The following PTPRD variants were observed in gnomAD, a reference collection of about 807,000 sequenced individuals.
PTPRD encodes receptor-type tyrosine-protein phosphatase delta.
PTPRD carries 34 observed loss-of-function variants against 214.5 expected under a neutral mutation model. The ratio of observed to expected loss-of-function variants is 0.16; its 90% CI spans 0.12 to 0.21. The LOEUF is 0.21. Among genes scored for constraint, PTPRD ranks in the 10% least tolerant of loss-of-function variants. The pLI is 1.00. For synonymous variants in PTPRD, 1,128 were observed against 845.7 expected, an observed-to-expected ratio of 1.33 and a Z score of -5.79; for missense variants, 2,545 against 2,398.7, an observed-to-expected ratio of 1.06 and a Z score of -1.27.
intron 8 of PTPRD, among the ~76,000 whole-genome samples, chr9:9,529,524 G>T (rs1158478936): frequency 6.6e-6 from 1 of 152,018 alleles, no homozygotes; most frequent in Non-Finnish European, 1.5e-5. Flanking sequence ...CACATGAAAA[G>T]ATGATCAACA....
Position 9,851,279 on chromosome 9 carries a change from C to T in PTPRD, c.-367-84428G>A, listed in dbSNP as rs897660628. 1.1e-4 allele frequency among the ~76,000 whole-genome samples: 17 copies of T among 152,176 alleles called. No individual in the cohort carries two copies. The South Asian group carries it at 3.3e-3, about 30-fold the overall frequency. ...TGTCTCCTGAGGGTTAATGCAGTATCGTATTGCTGACTGCGAGATTCAAAG... is the reference window on the plus strand; with the variant it reads ...TGTCTCCTGAGGGTTAATGCAGTATTGTATTGCTGACTGCGAGATTCAAAG... On this transcript the variant is annotated intron_variant, in intron 5 of 45. Transcript: ENST00000381196.
chr9:9,091,741 C>T (rs1229025412), intron 10 of PTPRD, among the ~76,000 whole-genome samples: 2 of 152,144 alleles, frequency 1.3e-5, no homozygotes, highest in African/African-American at 4.8e-5. Flanking sequence ...CCTAACAGAA[C>T]CAGCCAATAT....
chr9:9,567,106 C>T (rs2084794182), intron 8 of PTPRD, among the ~76,000 whole-genome samples: 1 of 152,008 alleles, frequency 6.6e-6, no homozygotes, highest in Non-Finnish European at 1.5e-5. Flanking sequence ...GCACATAGGT[C>T]ACCTGAAGAT....
chr9:9,441,737 G>T (rs1322158923), intron 8 of PTPRD, among the ~76,000 whole-genome samples: 6 of 152,072 alleles, frequency 3.9e-5, no homozygotes, highest in African/African-American at 1.4e-4. Flanking sequence ...AATGAATTTG[G>T]CATTAATGTC....
At chr9:10,548,287 G>C (rs2060575257) in intron 2 of PTPRD, among the ~76,000 whole-genome samples, 1 of 152,032 alleles carries the variant, frequency 6.6e-6, no homozygotes, top group African/African-American at 2.4e-5. Flanking sequence ...ATAAGTTGTT[G>C]CTTTTTCTCC....
In PTPRD at chr9:8,456,354, A is replaced by G. The variant is rs112278869; in HGVS notation, c.3875+4057T>C. ...GAGGGGAGGAGAAGAGAGGACAGAA[A>G]ATGAGGCAGGCACCCAGAAAGGCTT... On this transcript the variant is annotated intron_variant, in intron 33 of 45. Coordinates refer to ENST00000381196, the MANE Select transcript of PTPRD (RefSeq NM_002839.4). Among the ~76,000 whole-genome samples the G allele has an allele frequency of 9.9e-5, 15 of 152,212 alleles. 1 individual carries two copies. The highest frequency in any genetic ancestry group is 3.4e-4 in the African/African-American group (14 of 41,536).
At chr9:8,396,582 T>C (rs933929201) in intron 36 of PTPRD, among the ~76,000 whole-genome samples, 1 of 152,078 alleles carries the variant, frequency 6.6e-6, no homozygotes, top group Non-Finnish European at 1.5e-5. Context: ...TCCCAGAGCT[T>C]TCTGATTTTA....
At chr9:9,624,170 A>G (rs962430236) in intron 7 of PTPRD, among the ~76,000 whole-genome samples, 2 of 152,198 alleles carry the variant, frequency 1.3e-5, no homozygotes, top group Non-Finnish European at 2.9e-5. Flanking sequence ...AATTGCCATC[A>G]TCTTACATTG....
intron 21 of PTPRD, 40 bp downstream of exon 21, chr9:8,517,808 C>G (rs762103001): frequency 6.5e-7 from 1 of 1,540,770 alleles, no homozygotes; most frequent in African/African-American, 1.4e-5. Flanking sequence ...TTGCACCAGC[C>G]CTTCCCTCCT....
intron 10 of PTPRD, among the ~76,000 whole-genome samples, chr9:9,051,725 A>T (rs887983118): frequency 2.4e-4 from 36 of 152,342 alleles, no homozygotes; most frequent in African/African-American, 8.7e-4. Flanking sequence ...ATGTTCACAC[A>T]GAATTTAAAG....
intron 31 of PTPRD, among the ~76,000 whole-genome samples, chr9:8,468,711 A>G (rs2096593256): frequency 6.6e-6 from 1 of 151,714 alleles, no homozygotes; most frequent in Non-Finnish European, 1.5e-5. Context: ...TTGATCAAAT[A>G]CATTTAAGAG....
intron 14 of PTPRD, among the ~76,000 whole-genome samples, chr9:8,573,966 T>C (rs1339288014): frequency 6.6e-6 from 1 of 151,994 alleles, no homozygotes; most frequent in Non-Finnish European, 1.5e-5. Flanking sequence ...ACTATGGTAA[T>C]ACTAATTATT....
At chr9:9,275,456 C>A (rs1945234749) in intron 9 of PTPRD, among the ~76,000 whole-genome samples, 1 of 150,342 alleles carries the variant, frequency 6.7e-6, no homozygotes, top group South Asian at 2.1e-4. Flanking sequence ...CTGGACCCAC[C>A]CGAAGAGGGT....
chr9:8,978,593 G>A (rs2099282747), intron 11 of PTPRD, among the ~76,000 whole-genome samples: 1 of 152,088 alleles, frequency 6.6e-6, no homozygotes, highest in Non-Finnish European at 1.5e-5. Flanking sequence ...CCTTGAATCA[G>A]GGTAAGGGTT....
Position 9,033,704 on chromosome 9 carries a change from A to G in PTPRD, c.-142-14969T>C, listed in dbSNP as rs141132509. Among the ~76,000 whole-genome samples the G allele has an allele frequency of 2.2e-4, 34 of 151,848 alleles. 1 individual carries two copies. In the East Asian group the frequency reaches 6.0e-3, roughly 27 times the overall value. On this transcript the variant is annotated intron_variant, in intron 10 of 45. Transcript: ENST00000381196. ...CCCTTCTCTTTCTCTGTCTCTCTCTATCTCTGTTCTTTTATTCTCTCTTGG... is the reference window on the plus strand; with the variant it reads ...CCCTTCTCTTTCTCTGTCTCTCTCTGTCTCTGTTCTTTTATTCTCTCTTGG...
rs189798941 is a variant in PTPRD, at chr9:10,209,216, G to C, written c.-545+131747C>G. Among the ~76,000 whole-genome samples, 411 of 152,070 alleles carry C rather than the reference G, an allele frequency of 2.7e-3. 1 individual carries two copies. The highest frequency in any genetic ancestry group is 4.4e-3 in the Non-Finnish European group (297 of 68,008). On this transcript the variant is annotated intron_variant, in intron 3 of 45. Coordinates refer to ENST00000381196, the MANE Select transcript of PTPRD (RefSeq NM_002839.4). ...TTTTCCAAGGAGTCCATAATAGCAAGGATTTGGAAAGAAGTAAAATATCTA... is the reference window on the plus strand; with the variant it reads ...TTTTCCAAGGAGTCCATAATAGCAACGATTTGGAAAGAAGTAAAATATCTA...
At chr9:9,062,936 T>C (rs1342488620) in intron 10 of PTPRD, among the ~76,000 whole-genome samples, 3 of 152,182 alleles carry the variant, frequency 2.0e-5, no homozygotes, top group African/African-American at 4.8e-5. Flanking sequence ...TGCCAGAAAG[T>C]ATTTGAATTC....
intron 10 of PTPRD, among the ~76,000 whole-genome samples, chr9:9,140,359 C>A (rs1267277680): frequency 6.6e-6 from 1 of 152,114 alleles, no homozygotes; most frequent in Non-Finnish European, 1.5e-5. Flanking sequence ...ATATTTAAAT[C>A]CCCACTATTT....
chr9:9,962,820 A>G (rs1305535098), intron 4 of PTPRD, among the ~76,000 whole-genome samples: 2 of 152,090 alleles, frequency 1.3e-5, no homozygotes, highest in African/African-American at 4.8e-5. Context: ...TAAGAGTTCA[A>G]TAAAGACTGT....
Sources: gnomAD v4.1 joint callset for allele counts (sites outside exome capture counted in the v4.1 genomes callset) on GRCh38, gnomAD v4.1.1 for gene constraint, MANE v1.5 for transcripts, NCBI Gene and HGNC (gene_info 2026-07-23, HGNC 2026-07-21) for gene names.